Variants in CEP162 observed in about 807,000 individuals in gnomAD.
CEP162 encodes centrosomal protein 162.
In CEP162, 141 loss-of-function variants were observed where a neutral mutation model predicts 169.2. The ratio of observed to expected loss-of-function variants is 0.83; its 90% confidence interval spans 0.73 to 0.96. The LOEUF is 0.96. CEP162 is among the 40% of genes least tolerant of loss of function. The probability of loss-of-function intolerance (pLI) is 0.00; values close to 1 mark genes in which losing one functional copy is unlikely to be tolerated. For synonymous variants in CEP162, 540 were observed against 526.4 expected (o/e 1.03, Z -0.35); for missense variants, 1,600 against 1,587.2 (o/e 1.01, Z -0.14).
At chr6:84,148,560 G>A (rs926434104) in intron 24 of CEP162, among the ~76,000 whole-genome samples, 1 of 151,758 alleles carries the variant, frequency 6.6e-6, no homozygotes, top group Non-Finnish European at 1.5e-5. Flanking sequence ...TTAGAATAAG[G>A]GCATTTCTCA....
chr6:84,136,197 C>A (rs1316776692), intron 25 of CEP162, among the ~76,000 whole-genome samples: 1 of 152,222 alleles, frequency 6.6e-6, no homozygotes, highest in Non-Finnish European at 1.5e-5. Context: ...TCAGTTATAG[C>A]TGTCCAGTTT....
At chr6:84,141,340 T>C (rs1170052511) in intron 25 of CEP162, among the ~76,000 whole-genome samples, 1 of 152,132 alleles carries the variant, frequency 6.6e-6, no homozygotes, top group African/African-American at 2.4e-5. Context: ...AAAGAGGGCA[T>C]AAAAGAGTGT....
chr6:84,215,356 T>G lies in CEP162; in HGVS notation c.429A>C (p.Thr143=). ...TTAATCTCGAATAATCAATGGAAGA[T>G]GTCAAGCCTTTCTCAAGCCTGGCAA... ...QFFARLEKGL[T]SSIDYSRLNK... is the part of the protein sequence containing the mutation. The change falls in exon 5 of 27, where the codon ACA becomes ACC. Residue 143 remains threonine (T), a synonymous_variant. Coordinates refer to ENST00000403245, the MANE Select transcript of CEP162 (RefSeq NM_014895.4). 6.2e-7 allele frequency: 1 copy of G among 1,605,874 alleles called. No individual in the cohort carries two copies. The highest frequency in any genetic ancestry group is 1.3e-5 in the African/African-American group (1 of 74,968).
At chr6:84,210,197 C>A (rs1461093456) in intron 6 of CEP162, among the ~76,000 whole-genome samples, 1 of 152,158 alleles carries the variant, frequency 6.6e-6, no homozygotes, top group Non-Finnish European at 1.5e-5. Flanking sequence ...ATCCTTGTAA[C>A]TTCAAAAATG....
intron 1 of CEP162, among the ~76,000 whole-genome samples, chr6:84,227,356 T>C (rs1386544930): frequency 6.6e-6 from 1 of 152,166 alleles, no homozygotes; most frequent in Non-Finnish European, 1.5e-5. Flanking sequence ...CTGAATAGCT[T>C]GGTCAGGGGT....
chr6:84,188,259 T>C (rs1457145813), intron 11 of CEP162, among the ~76,000 whole-genome samples: 1 of 152,200 alleles, frequency 6.6e-6, no homozygotes, highest in Admixed American at 6.5e-5. Context: ...GAACTTTTTT[T>C]TTTTAAACTT....
chr6:84,221,029 T>C (rs1030251891), intron 3 of CEP162, 28 bp downstream of exon 3: 14 of 1,256,140 alleles, frequency 1.1e-5, no homozygotes, highest in African/African-American at 3.0e-5. Context: ...GGTCAAATAA[T>C]TTGAAACTAA....
chr6:84,187,174 C>A (rs2099537532), intron 11 of CEP162, among the ~76,000 whole-genome samples: 1 of 151,980 alleles, frequency 6.6e-6, no homozygotes, highest in African/African-American at 2.4e-5. Context: ...AAAAGAAAAT[C>A]ATTTCTGTGG....
At chr6:84,178,716 T>C (rs1262693892) in intron 13 of CEP162, among the ~76,000 whole-genome samples, 1 of 152,306 alleles carries the variant, frequency 6.6e-6, no homozygotes, top group East Asian at 1.9e-4. Context: ...ACGTGCAGGT[T>C]TGTTACATAT....
chr6:84,204,927 C>T (rs965956131), intron 6 of CEP162, among the ~76,000 whole-genome samples: 4 of 152,080 alleles, frequency 2.6e-5, no homozygotes, highest in Admixed American at 6.5e-5. Context: ...AAACCACCAT[C>T]GGAGAATACT....
At chr6:84,151,340 T>G (rs1388445507) in intron 23 of CEP162, among the ~76,000 whole-genome samples, 3 of 151,830 alleles carry the variant, frequency 2.0e-5, no homozygotes, top group African/African-American at 7.3e-5. Context: ...TTTATAAAAG[T>G]AAGGAAGACT....
At chr6:84,162,825 G>A (rs762515747) in intron 19 of CEP162, among the ~76,000 whole-genome samples, 23 of 152,140 alleles carry the variant, frequency 1.5e-4, no homozygotes, top group Non-Finnish European at 2.8e-4. Flanking sequence ...AGCCTACAAA[G>A]TTTCAGACCC....
intron 23 of CEP162, among the ~76,000 whole-genome samples, chr6:84,150,533 A>C (rs1003370469): frequency 6.6e-6 from 1 of 152,152 alleles, no homozygotes; most frequent in Non-Finnish European, 1.5e-5. Context: ...AAAAGCATAA[A>C]AACCTAAATT....
At chr6:84,218,379 T>C (rs917456724) in intron 3 of CEP162, among the ~76,000 whole-genome samples, 2 of 152,188 alleles carry the variant, frequency 1.3e-5, no homozygotes, top group Admixed American at 6.5e-5. Flanking sequence ...CTCGTCCTCA[T>C]AGGCCAGCAG....
chr6:84,185,244 T>C lies in CEP162; in HGVS notation c.1606A>G (p.Ile536Val). Residue 536 changes from isoleucine to valine, a missense_variant, in exon 13 of 27, where the codon ATT (isoleucine) becomes GTT (valine). Physicochemically the swap from Ile to Val is conservative, Grantham distance 29. Transcript: ENST00000403245. ...GATCTCAAGTTTTTGCTTTTTATAA[T>C]GTCCTCTGAAGTTTTCTTTTCAAGA... Reference protein sequence around the residue: ...STLEKKTSEDIIKSKNLRSIS... With the variant: ...STLEKKTSEDVIKSKNLRSIS... 4 of 1,613,562 alleles carry C rather than the reference T, an allele frequency of 2.5e-6. No homozygotes were observed. The highest frequency in any genetic ancestry group is 2.5e-6 in the Non-Finnish European group (3 of 1,179,542).
At chr6:84,203,444 A>C (rs1440276887) in intron 7 of CEP162, among the ~76,000 whole-genome samples, 2 of 152,202 alleles carry the variant, frequency 1.3e-5, no homozygotes, top group Non-Finnish European at 2.9e-5. Context: ...TTGCCAAAAT[A>C]AATCTTTTTT....
At chr6:84,197,003 T>C (rs1317284249) in intron 9 of CEP162, among the ~76,000 whole-genome samples, 1 of 152,168 alleles carries the variant, frequency 6.6e-6, no homozygotes, top group African/African-American at 2.4e-5. Context: ...AAGAGGTCAT[T>C]AATTTTCAAG....
chr6:84,134,684 T>A (rs1195656805), intron 25 of CEP162, among the ~76,000 whole-genome samples: 1 of 152,142 alleles, frequency 6.6e-6, no homozygotes, highest in Non-Finnish European at 1.5e-5. Context: ...ACCCACTGTC[T>A]AACCAGTTCC....
At chr6:84,163,555 T>C (rs961055970) in intron 18 of CEP162, among the ~76,000 whole-genome samples, 2 of 151,918 alleles carry the variant, frequency 1.3e-5, no homozygotes, top group Non-Finnish European at 2.9e-5. Flanking sequence ...TTCTCTTGCT[T>C]GGATTACTGT....
Sources: gnomAD v4.1 joint callset for allele counts (sites outside exome capture counted in the v4.1 genomes callset) on GRCh38, gnomAD v4.1.1 for gene constraint, MANE v1.5 for transcripts, NCBI Gene and HGNC (gene_info 2026-07-23, HGNC 2026-07-21) for gene names.